The following NAV1 variants were observed in gnomAD, a reference collection of about 807,000 sequenced individuals.
NAV1 encodes the protein pore membrane and/or filament interacting like protein 3.
In NAV1, 18 loss-of-function variants were observed where a neutral mutation model predicts 175.2. That is an observed-to-expected ratio of 0.10 (90% CI 0.07 to 0.15). NAV1 has a LOEUF of 0.15. Among genes scored for constraint, NAV1 ranks in the 10% least tolerant of loss-of-function variants. NAV1 has a pLI of 1.00. For synonymous variants in NAV1, 897 were observed against 978.7 expected (o/e 0.92, Z 1.56); for missense variants, 1,731 against 2,436.6 (o/e 0.71, Z 6.10).
exon 30 of NAV1, chr1:201,819,870 A>C (rs1558201492): frequency 2.4e-5 from 38 of 1,614,172 alleles, no homozygotes; most frequent in Non-Finnish European, 3.2e-5. Flanking sequence ...AGAAGCTGCC[A>C]ACTACATTGA....
At chr1:201,817,093 T>G (rs1162465730) in exon 29 of NAV1, 4 of 1,613,948 alleles carry the variant, frequency 2.5e-6, no homozygotes, top group African/African-American at 1.3e-5. Flanking sequence ...TCCAGGTCCA[T>G]GGACAGAAAG....
chr1:201,689,151 CT>C (rs1470479217), intron 1 of NAV1, among the ~76,000 whole-genome samples: 1 of 152,200 alleles, frequency 6.6e-6, no homozygotes, highest in African/African-American at 2.4e-5. Context: ...TTTGTAGGAA[CT>C]TACTTTACAT....
chr1:201,726,360 C>T (rs1672606341), intron 3 of NAV1, among the ~76,000 whole-genome samples: 2 of 152,094 alleles, frequency 1.3e-5, no homozygotes, highest in South Asian at 2.1e-4. Context: ...ATCTATTATT[C>T]TGGTTGGGTG....
intron 15 of NAV1, among the ~76,000 whole-genome samples, chr1:201,803,059 G>A (rs186440008): frequency 1.6e-4 from 24 of 152,234 alleles, no homozygotes; most frequent in Non-Finnish European, 2.9e-4. Flanking sequence ...TTCCTCCCCT[G>A]TTGTAGAAAA....
chr1:201,629,410 A>G, exon 2 of NAV1: 1 of 1,303,440 alleles, frequency 7.7e-7, no homozygotes, highest in Non-Finnish European at 1.0e-6. Flanking sequence ...ACAGGTTGCA[A>G]ACTGACCAGA....
intron 1 of NAV1, among the ~76,000 whole-genome samples, chr1:201,698,043 C>T (rs1298377463): frequency 2.0e-5 from 3 of 152,220 alleles, no homozygotes; most frequent in Non-Finnish European, 4.4e-5. Flanking sequence ...TGGGATTTGA[C>T]AAAGACTCTC....
chr1:201,628,544 T>C (rs1668401090), intron 1 of NAV1, among the ~76,000 whole-genome samples: 2 of 152,114 alleles, frequency 1.3e-5, no homozygotes, highest in South Asian at 2.1e-4. Context: ...CAAATCTCAG[T>C]GGCACTGGAG....
Position 201,740,232 on chromosome 1 carries a change from G to A in NAV1, c.1226+21477G>A, listed in dbSNP as rs915373694. ...CCGCAAGAAGGAGGGTCTTGGCCGC[G>A]CTCGCTTTTCCGCCAGAGAGGAGTG... On this transcript the variant is annotated intron_variant, in intron 3 of 29. Coordinates refer to ENST00000367296, the Ensembl canonical transcript of NAV1. This position sits in a 1 kb window ranked among gnomAD's most constrained non-coding sequence, Gnocchi z 4.7. 1.3e-5 allele frequency among the ~76,000 whole-genome samples: 2 copies of A among 152,224 alleles called. No homozygotes were observed. Among genetic ancestry groups the A allele is most frequent in the Admixed American group, 6.5e-5 (1 of 15,288 alleles).
chr1:201,693,690 A>AGG (rs763079035), intron 1 of NAV1, among the ~76,000 whole-genome samples: 1 of 152,152 alleles, frequency 6.6e-6, no homozygotes, highest in Non-Finnish European at 1.5e-5. Context: ...GTGCCCCAGC[A>AGG]GGGACGGTCT....
At chr1:201,753,523 G>C (rs551275075) in intron 3 of NAV1, among the ~76,000 whole-genome samples, 2 of 152,228 alleles carry the variant, frequency 1.3e-5, no homozygotes, top group East Asian at 3.9e-4. Context: ...AAACGGATTG[G>C]GGGTAATATT....
At chr1:201,711,707 GTACT>G (rs1257752317) in intron 1 of NAV1, among the ~76,000 whole-genome samples, 1 of 152,176 alleles carries the variant, frequency 6.6e-6, no homozygotes, top group African/African-American at 2.4e-5. Context: ...TTTTAGGGAG[GTACT>G]GGGGGACTTG....
At chr1:201,679,042 A>C (rs951746750) in intron 1 of NAV1, among the ~76,000 whole-genome samples, 1 of 151,606 alleles carries the variant, frequency 6.6e-6, no homozygotes, top group Non-Finnish European at 1.5e-5. Context: ...AGGTGGGGCT[A>C]TTTACTGGGG....
chr1:201,673,697 C>G (rs1670135864), intron 1 of NAV1: 1 of 152,264 alleles, frequency 6.6e-6, no homozygotes, highest in African/African-American at 2.4e-5. Context: ...AGGGAAGGCA[C>G]AGGCATAGGA....
At chr1:201,603,763 A>G (rs1667590615) in intron 2 of NAV1, among the ~76,000 whole-genome samples, 2 of 152,182 alleles carry the variant, frequency 1.3e-5, no homozygotes, top group African/African-American at 2.4e-5. Flanking sequence ...ACAGATGAGC[A>G]ACTGAGACTT....
intron 1 of NAV1, among the ~76,000 whole-genome samples, chr1:201,708,760 C>T (rs1266778147): frequency 6.6e-6 from 1 of 152,140 alleles, no homozygotes; most frequent in African/African-American, 2.4e-5. Flanking sequence ...CATGTCTGGG[C>T]TCTGTTTTGT....
chr1:201,779,319 C>T (rs966526296), intron 3 of NAV1, among the ~76,000 whole-genome samples: 2 of 151,886 alleles, frequency 1.3e-5, no homozygotes, highest in Admixed American at 6.6e-5. Flanking sequence ...AGGCCAGGCA[C>T]GGTGGCTCAC....
At chr1:201,776,372 T>C in intron 3 of NAV1, among the ~76,000 whole-genome samples, 1 of 128,262 alleles carries the variant, frequency 7.8e-6, no homozygotes, top group African/African-American at 2.9e-5. Flanking sequence ...TCGGGCATGG[T>C]GGTTCACGCC....
intron 2 of NAV1, among the ~76,000 whole-genome samples, chr1:201,713,613 C>G (rs980442052): frequency 2.6e-5 from 4 of 152,230 alleles, no homozygotes; most frequent in African/African-American, 9.6e-5. Context: ...TTGGACTGCC[C>G]AGATGAGCTC....
chr1:201,648,056 C>A (rs555522585), upstream of NAV1, among the ~76,000 whole-genome samples: 2 of 151,610 alleles, frequency 1.3e-5, no homozygotes, highest in African/African-American at 4.8e-5. Flanking sequence ...GATACCTCCC[C>A]CTCCCGAGCC....
Sources: allele counts gnomAD v4.1 joint callset (sites outside exome capture counted in the v4.1 genomes callset), GRCh38; gene constraint gnomAD v4.1.1; non-coding constraint Gnocchi (gnomAD v3.1); transcripts MANE v1.5; gene names NCBI Gene and HGNC (gene_info 2026-07-23, HGNC 2026-07-21).